The following GNL2 variants were observed in gnomAD, a reference collection of about 807,000 sequenced individuals.
GNL2 encodes the protein nucleolar GTP-binding protein 2.
Under a neutral mutation model 92.3 loss-of-function variants are expected in GNL2, and 51 were observed. The ratio of observed to expected loss-of-function variants is 0.55; its 90% confidence interval spans 0.44 to 0.70. The LOEUF (loss-of-function observed/expected upper bound fraction) is 0.70, where lower values mean the gene tolerates loss of function less well. Among genes scored for constraint, GNL2 ranks in the 30% least tolerant of loss-of-function variants. GNL2 has a pLI of 0.00. For missense variants in GNL2, 844 were observed against 895.6 expected, an observed-to-expected ratio of 0.94 and a Z score of 0.74; for synonymous variants, 283 against 300.6, an observed-to-expected ratio of 0.94 and a Z score of 0.61.
At chr1:37,592,421 A>C (rs1487258111) in intron 3 of GNL2, among the ~76,000 whole-genome samples, 6 of 152,250 alleles carry the variant, frequency 3.9e-5, no homozygotes, top group African/African-American at 1.4e-4. Flanking sequence ...TTAGGAAAGC[A>C]GAAAAGATTA....
intron 5 of GNL2, among the ~76,000 whole-genome samples, chr1:37,585,171 G>A (rs1419745514): frequency 6.8e-6 from 1 of 147,850 alleles, no homozygotes; most frequent in African/African-American, 2.5e-5. Context: ...CGATTCCCCA[G>A]CCTCAGCCTC....
Position 37,582,784 on chromosome 1 carries a change from C to T in GNL2, c.789G>A (p.Trp263Ter). 1.2e-6 allele frequency: 2 copies of T among 1,611,488 alleles called. No individual in the cohort carries two copies. The highest frequency in any genetic ancestry group is 8.5e-7 in the Non-Finnish European group (1 of 1,179,016). ...GTTTAGTAGTTGTACTTACTGTTGCCCAGGTTGGAACAAGGTCACATTTGT... is the reference window on the plus strand; with the variant it reads ...GTTTAGTAGTTGTACTTACTGTTGCTCAGGTTGGAACAAGGTCACATTTGT... ...VLNKCDLVPTWATKRWVAVLS... is the reference protein window; with the variant it reads ...VLNKCDLVPT Residue 263 changes from tryptophan (W) to a stop codon, truncating the protein, a stop_gained, in exon 7 of 16, where the codon TGG (tryptophan) becomes TGA (stop). Transcript: ENST00000373062. LOFTEE classifies it high-confidence loss of function.
intron 5 of GNL2, among the ~76,000 whole-genome samples, chr1:37,584,311 TA>T (rs1643817914): frequency 6.6e-6 from 1 of 151,774 alleles, no homozygotes; most frequent in Non-Finnish European, 1.5e-5. Flanking sequence ...TAGCTGGGCA[TA>T]GTGGTGCATG....
chr1:37,575,851 T>C lies in GNL2; in HGVS notation c.1039-152A>G. The C allele has an allele frequency of 5.3e-6, 3 of 570,260 alleles. No individual in the cohort carries two copies. Among genetic ancestry groups the C allele is most frequent in the Non-Finnish European group, 9.3e-6 (3 of 323,670 alleles). The allele number at this position is 570,260 out of a possible 1,614,324, so 35.3% of individuals were successfully genotyped here. A position where few individuals can be genotyped will look rare whatever the true frequency, so the allele number is the denominator to read the frequency against. On this transcript the variant is annotated intron_variant, in intron 9 of 15. Coordinates refer to ENST00000373062, the MANE Select transcript of GNL2 (RefSeq NM_013285.3). This position sits in a 1 kb window ranked among gnomAD's most constrained non-coding sequence, Gnocchi z 4.1. ...AGTAATTAAGCTACTAACTCTCTCA[T>C]CTGTGCCGTGCACAAGATACTTCCA... is the stretch of plus-strand genomic sequence containing the variant.
At chr1:37,584,462 A>T (rs77979562) in intron 5 of GNL2, among the ~76,000 whole-genome samples, 5 of 40,410 alleles carry the variant, frequency 1.2e-4, no homozygotes, top group Non-Finnish European at 8.0e-5. Flanking sequence ...ATAATTAATT[A>T]AAAAAAAAAA....
In GNL2 at chr1:37,574,368, TTGGG is replaced by T; in HGVS notation, c.1387_1390del (p.Pro463MetfsTer148). 6.2e-7 allele frequency: 1 copy of T among 1,613,978 alleles called. No homozygotes were observed. The highest frequency in any genetic ancestry group is 2.2e-5 in the East Asian group (1 of 44,876). On this transcript the variant is annotated frameshift_variant, in exon 12 of 16. Coordinates refer to ENST00000373062, the MANE Select transcript of GNL2 (RefSeq NM_013285.3). LOFTEE classifies it high-confidence loss of function. ...CTGGGGGGCCACAAGTGGCTCTGCA[TTGGG>T]TGGCTTGACAAAGAAAGGAATCCGG...
At chr1:37,576,237 T>C (rs1293751567) in intron 9 of GNL2, 191 bp downstream of exon 9, 8 of 542,324 alleles carry the variant, frequency 1.5e-5, no homozygotes, top group Non-Finnish European at 2.6e-5. Context: ...CACGGGGGCA[T>C]ATAAAATACT....
At chr1:37,594,304 A>G (rs1190029001) in intron 1 of GNL2, among the ~76,000 whole-genome samples, 1 of 152,196 alleles carries the variant, frequency 6.6e-6, no homozygotes, top group Non-Finnish European at 1.5e-5. Flanking sequence ...CCACGAAGAT[A>G]CCTACCTCTG....
At chr1:37,569,535 A>G (rs1643563602) in intron 12 of GNL2, 1 of 476,888 alleles carries the variant, frequency 2.1e-6, no homozygotes, top group African/African-American at 2.0e-5. Flanking sequence ...TGAACCAACT[A>G]AGACTATTTA....
chr1:37,567,824 C>A (rs369019790), intron 14 of GNL2, 60 bp from the exon 15 acceptor site: 1 of 1,294,356 alleles, frequency 7.7e-7, no homozygotes, highest in Non-Finnish European at 1.1e-6. Context: ...ATAAACCCAA[C>A]GGTGGGAACA....
chr1:37,572,931 A>C (rs1220950094), intron 12 of GNL2, among the ~76,000 whole-genome samples: 1 of 152,134 alleles, frequency 6.6e-6, no homozygotes, highest in Non-Finnish European at 1.5e-5. Flanking sequence ...TGCAGAACTG[A>C]TATGGAAAAA....
chr1:37,592,102 T>C (rs1326818693), intron 3 of GNL2, among the ~76,000 whole-genome samples: 1 of 151,938 alleles, frequency 6.6e-6, no homozygotes, highest in Non-Finnish European at 1.5e-5. Context: ...AGGACAGAGG[T>C]CAAACACCAA....
intron 4 of GNL2, 87 bp downstream of exon 4, chr1:37,590,619 G>T: frequency 2.7e-6 from 3 of 1,127,304 alleles, no homozygotes; most frequent in Non-Finnish European, 4.0e-6. Context: ...TATTTTCTAA[G>T]GAAAAACAAA....
At chr1:37,568,393 A>C in intron 13 of GNL2, 36 bp from the exon 14 acceptor site, 1 of 1,355,790 alleles carries the variant, frequency 7.4e-7, no homozygotes. Flanking sequence ...TCCTCCTCTC[A>C]CTCGCCCGAA....
intron 15 of GNL2, 146 bp downstream of exon 15, chr1:37,567,527 A>G: frequency 1.5e-6 from 1 of 662,664 alleles, no homozygotes; most frequent in South Asian, 1.8e-5. Context: ...AGTGGGCCAG[A>G]CCCGACCCTA....
intron 4 of GNL2, among the ~76,000 whole-genome samples, chr1:37,590,419 C>G (rs1384576985): frequency 6.6e-6 from 1 of 152,128 alleles, no homozygotes; most frequent in Non-Finnish European, 1.5e-5. Flanking sequence ...TCTATACTTT[C>G]AAGGCAAAGA....
chr1:37,577,440 C>T (rs972929995), intron 8 of GNL2, among the ~76,000 whole-genome samples: 2 of 152,190 alleles, frequency 1.3e-5, no homozygotes, highest in African/African-American at 4.8e-5. Flanking sequence ...TAACCCCGTT[C>T]CCTCACCAAC....
chr1:37,583,842 A>G (rs1479458563), intron 6 of GNL2, 25 bp downstream of exon 6: 1 of 1,342,242 alleles, frequency 7.5e-7, no homozygotes, highest in Admixed American at 1.7e-5. Context: ...GAACCACTCA[A>G]TGGGAGAGAA....
chr1:37,585,611 C>G (rs1474615221), intron 5 of GNL2, among the ~76,000 whole-genome samples: 2 of 152,140 alleles, frequency 1.3e-5, no homozygotes, highest in Non-Finnish European at 2.9e-5. Flanking sequence ...CCTACTATAC[C>G]TGTTGCGGAA....
Sources: allele counts gnomAD v4.1 joint callset (sites outside exome capture counted in the v4.1 genomes callset), GRCh38; gene constraint gnomAD v4.1.1; non-coding constraint Gnocchi (gnomAD v3.1); transcripts MANE v1.5; gene names NCBI Gene and HGNC (gene_info 2026-07-23, HGNC 2026-07-21).